RPS6KC1: variants seen among roughly 807,000 people sequenced by gnomAD.
RPS6KC1 encodes the protein inactive ribosomal protein S6 kinase delta-1.
A neutral mutation model predicts 103.8 loss-of-function variants in RPS6KC1; 54 were observed. That is an observed-to-expected ratio of 0.52 (90% CI 0.42 to 0.65). RPS6KC1 has a LOEUF of 0.65. Ranked by LOEUF, RPS6KC1 falls within the 30% of genes least tolerant of loss-of-function variation. The pLI, the probability that RPS6KC1 is intolerant of heterozygous loss-of-function variation, is 0.00. For missense variants in RPS6KC1, 1,151 were observed against 1,253.8 expected (o/e 0.92, Z 1.24); for synonymous variants, 439 against 438.7 (o/e 1.00, Z -0.01).
the RPS6KC1 span, among the ~76,000 whole-genome samples, chr1:213,536,266 G>A: frequency 6.6e-6 from 1 of 152,146 alleles, no homozygotes; most frequent in Non-Finnish European, 1.5e-5. Flanking sequence ...AAAGGGAAAA[G>A]CCTAAAATAA....
chr1:213,861,373 A>T, the RPS6KC1 span, among the ~76,000 whole-genome samples: 2 of 152,172 alleles, frequency 1.3e-5, no homozygotes, highest in Non-Finnish European at 2.9e-5. Flanking sequence ...ACACTTTCTA[A>T]GAGAAAGCTG....
the RPS6KC1 span, among the ~76,000 whole-genome samples, chr1:213,854,546 TTC>T: frequency 9.6e-6 from 1 of 103,680 alleles, no homozygotes; most frequent in African/African-American, 5.1e-5. Context: ...CTTTCTTTCT[TTC>T]TTTCTTTCTT....
the RPS6KC1 span, among the ~76,000 whole-genome samples, chr1:213,446,389 A>G: frequency 6.6e-6 from 1 of 152,230 alleles, no homozygotes; most frequent in Non-Finnish European, 1.5e-5. Flanking sequence ...GGATTGGCTC[A>G]TGCAATGGTG....
At chr1:213,765,750 G>C in the RPS6KC1 span, among the ~76,000 whole-genome samples, 788 of 152,164 alleles carry the variant, frequency 5.2e-3, 8 homozygotes, top group African/African-American at 0.018. Context: ...ACCCACACCT[G>C]TAGCAGAATA....
intron 10 of RPS6KC1, among the ~76,000 whole-genome samples, chr1:213,234,316 C>T (rs2094175953): frequency 6.6e-6 from 1 of 152,092 alleles, no homozygotes; most frequent in South Asian, 2.1e-4. Context: ...AGGCCTGAAA[C>T]TTAAATTCTT....
At chr1:213,112,089 C>T (rs890122591) in intron 4 of RPS6KC1, among the ~76,000 whole-genome samples, 7 of 152,042 alleles carry the variant, frequency 4.6e-5, no homozygotes, top group Non-Finnish European at 1.5e-5. Context: ...GAAGGGACTT[C>T]TGATTAGGTA....
At chr1:213,357,819 A>G in the RPS6KC1 span, among the ~76,000 whole-genome samples, 1 of 152,228 alleles carries the variant, frequency 6.6e-6, no homozygotes, top group Non-Finnish European at 1.5e-5. Context: ...ATTCTGGCTG[A>G]GTCCAGGAAC....
chr1:213,842,482 T>C, the RPS6KC1 span, among the ~76,000 whole-genome samples: 1 of 152,270 alleles, frequency 6.6e-6, no homozygotes, highest in Admixed American at 6.5e-5. Context: ...TTTTGACTTG[T>C]CAAATACTTA....
the RPS6KC1 span, among the ~76,000 whole-genome samples, chr1:213,670,929 T>C: frequency 6.6e-6 from 1 of 152,198 alleles, no homozygotes; most frequent in African/African-American, 2.4e-5. Context: ...ATCTTCTGTT[T>C]TATTCCCTCT....
chr1:213,519,221 C>T, the RPS6KC1 span, among the ~76,000 whole-genome samples: 1 of 152,134 alleles, frequency 6.6e-6, no homozygotes, highest in Non-Finnish European at 1.5e-5. Flanking sequence ...AAAATCAGGT[C>T]ATACGGAGGT....
chr1:213,113,326 T>A (rs1365538646), intron 4 of RPS6KC1, among the ~76,000 whole-genome samples: 1 of 152,158 alleles, frequency 6.6e-6, no homozygotes, highest in African/African-American at 2.4e-5. Flanking sequence ...ATGGTGAGCA[T>A]TTTTTCATGT....
At chr1:213,681,774 G>T in the RPS6KC1 span, among the ~76,000 whole-genome samples, 1 of 152,028 alleles carries the variant, frequency 6.6e-6, no homozygotes, top group African/African-American at 2.4e-5. Flanking sequence ...CTCCAGCCTG[G>T]GTGACAGAGT....
At chr1:213,536,728 T>A in the RPS6KC1 span, among the ~76,000 whole-genome samples, 1 of 152,336 alleles carries the variant, frequency 6.6e-6, no homozygotes, top group South Asian at 2.1e-4. Context: ...TCTTGACATA[T>A]GCAGCCTTTG....
the RPS6KC1 span, among the ~76,000 whole-genome samples, chr1:213,305,303 G>T: frequency 6.6e-5 from 10 of 151,972 alleles, no homozygotes; most frequent in Admixed American, 6.6e-4. Context: ...GGCTGGTCTC[G>T]AACTCCTGAC....
chr1:213,086,710 AC>A (rs1362273797), intron 3 of RPS6KC1, among the ~76,000 whole-genome samples: 1 of 152,310 alleles, frequency 6.6e-6, no homozygotes, highest in East Asian at 1.9e-4. Context: ...CTTGCAACTT[AC>A]ATCTAAGCTT....
chr1:213,142,393 C>T (rs1305809376), intron 6 of RPS6KC1, among the ~76,000 whole-genome samples: 2 of 151,998 alleles, frequency 1.3e-5, no homozygotes, highest in South Asian at 2.1e-4. Context: ...AGAACCATTA[C>T]TGGGGAGCTA....
At chr1:213,639,124 T>C in the RPS6KC1 span, among the ~76,000 whole-genome samples, 1 of 152,238 alleles carries the variant, frequency 6.6e-6, no homozygotes, top group Admixed American at 6.6e-5. Context: ...AATGGTATGG[T>C]TTAATTTCAG....
At chr1:213,551,358 G>A in the RPS6KC1 span, among the ~76,000 whole-genome samples, 3 of 152,156 alleles carry the variant, frequency 2.0e-5, no homozygotes. Context: ...GGGAAGGAAA[G>A]TGCACCAGGA....
the RPS6KC1 span, among the ~76,000 whole-genome samples, chr1:213,493,201 A>G: frequency 1.3e-5 from 2 of 152,168 alleles, no homozygotes; most frequent in African/African-American, 2.4e-5. Context: ...GTTTGCACTT[A>G]GTTATAGGAA....
Sources: gnomAD v4.1 joint callset for allele counts (sites outside exome capture counted in the v4.1 genomes callset) on GRCh38, gnomAD v4.1.1 for gene constraint, MANE v1.5 for transcripts, NCBI Gene and HGNC (gene_info 2026-07-23, HGNC 2026-07-21) for gene names.